The following SLC2A13 variants were observed in gnomAD, a reference collection of about 807,000 sequenced individuals.
The protein encoded by SLC2A13 is solute carrier family 2 member 13.
SLC2A13 carries 32 observed loss-of-function variants against 64.4 expected under a neutral mutation model. That is an observed-to-expected ratio of 0.50 (90% CI 0.37 to 0.67). The LOEUF is 0.67. SLC2A13 is among the 30% of genes least tolerant of loss of function. The pLI, the probability that SLC2A13 is intolerant of heterozygous loss-of-function variation, is 0.00. For missense variants in SLC2A13, 743 were observed against 829.2 expected, an observed-to-expected ratio of 0.90 and a Z score of 1.28; for synonymous variants, 338 against 327.1, an observed-to-expected ratio of 1.03 and a Z score of -0.36.
At chr12:39,907,513 G>A (rs1430121569) in intron 4 of SLC2A13, 1 of 152,050 alleles carries the variant, frequency 6.6e-6, no homozygotes, top group Non-Finnish European at 1.5e-5. Flanking sequence ...AAACCATAAT[G>A]TACCTGATAT....
At chr12:39,821,267 G>A (rs191390734) in intron 7 of SLC2A13, among the ~76,000 whole-genome samples, 60 of 152,078 alleles carry the variant, frequency 3.9e-4, no homozygotes, top group African/African-American at 1.3e-3. Context: ...AAAATTAGCC[G>A]GGCGTGTTGG....
At chr12:39,998,036 AAAG>A (rs1296079869) in intron 3 of SLC2A13, among the ~76,000 whole-genome samples, 2 of 152,182 alleles carry the variant, frequency 1.3e-5, no homozygotes, top group African/African-American at 4.8e-5. Flanking sequence ...ACCCAGAAGA[AAAG>A]AAGTTATTAT....
intron 3 of SLC2A13, among the ~76,000 whole-genome samples, chr12:39,972,805 C>T (rs1171516915): frequency 1.3e-5 from 2 of 152,324 alleles, no homozygotes; most frequent in East Asian, 3.9e-4. Context: ...TAGTGGCTCA[C>T]ACCTGTAATC....
intron 6 of SLC2A13, among the ~76,000 whole-genome samples, chr12:39,850,605 G>A (rs890796093): frequency 6.6e-6 from 1 of 152,024 alleles, no homozygotes; most frequent in African/African-American, 2.4e-5. Context: ...ATTAGTATAC[G>A]GTAATTGCCA....
chr12:39,960,685 T>C (rs1484408684), intron 3 of SLC2A13, among the ~76,000 whole-genome samples: 5 of 151,578 alleles, frequency 3.3e-5, no homozygotes, highest in African/African-American at 1.2e-4. Context: ...GGCCTAATAT[T>C]GGCTAGTATT....
Position 39,951,257 on chromosome 12 carries a change from A to T in SLC2A13, c.1034T>A (p.Met345Lys), listed in dbSNP as rs1341025595. Residue 345 changes from methionine to lysine, a missense_variant and splice_region_variant, in exon 4 of 10, where the codon ATG becomes AAG. By Grantham distance (95) the Met-to-Lys change is moderately conservative. Transcript: ENST00000280871. ...FQQLSGINTI[M>K]YYSATILQMS... ...TAAAAAGCCAGAAAGAAATACATAC[A>T]TGATGGTGTTAATGCCTGAGAGCTG... The T allele has an allele frequency of 6.2e-7, 1 of 1,612,254 alleles. No homozygotes were observed. Among genetic ancestry groups the T allele is most frequent in the Non-Finnish European group, 8.5e-7 (1 of 1,178,896 alleles).
chr12:39,859,677 C>T (rs1027405348), intron 6 of SLC2A13, among the ~76,000 whole-genome samples: 5 of 152,020 alleles, frequency 3.3e-5, no homozygotes, highest in Non-Finnish European at 4.4e-5. Context: ...CACCCACAAC[C>T]GCACCTGGCT....
intron 4 of SLC2A13, among the ~76,000 whole-genome samples, chr12:39,895,351 T>G (rs10877743): frequency 0.51 from 77,190 of 150,712 alleles, 19,946 homozygotes; most frequent in East Asian, 0.78. Flanking sequence ...TTAGCCGGGC[T>G]TGGTGGCAGG....
chr12:39,852,157 T>A (rs558964009), intron 6 of SLC2A13, among the ~76,000 whole-genome samples: 2 of 152,206 alleles, frequency 1.3e-5, no homozygotes, highest in Non-Finnish European at 2.9e-5. Flanking sequence ...ATAAAATAAC[T>A]AGCATGGTAA....
intron 6 of SLC2A13, among the ~76,000 whole-genome samples, chr12:39,851,683 G>C (rs746321736): frequency 1.4e-4 from 22 of 152,284 alleles, no homozygotes; most frequent in African/African-American, 3.1e-4. Context: ...GATACATCAA[G>C]AGAAAAGCAG....
chr12:40,047,384 C>A (rs888287848), intron 2 of SLC2A13, among the ~76,000 whole-genome samples: 1 of 152,066 alleles, frequency 6.6e-6, no homozygotes, highest in Non-Finnish European at 1.5e-5. Context: ...ATTGTATAAC[C>A]TCTAATGCCT....
intron 6 of SLC2A13, among the ~76,000 whole-genome samples, chr12:39,851,000 A>G (rs1398655126): frequency 6.6e-5 from 10 of 151,944 alleles, no homozygotes; most frequent in Non-Finnish European, 1.3e-4. Context: ...CCTGGGTTCA[A>G]GCAATTCTCT....
intron 1 of SLC2A13, among the ~76,000 whole-genome samples, chr12:40,077,082 A>G (rs1938206252): frequency 6.6e-6 from 1 of 152,122 alleles, no homozygotes; most frequent in African/African-American, 2.4e-5. Flanking sequence ...GTTTGCAAAT[A>G]CTTTCTCCCA....
At chr12:40,103,238 T>C (rs749957788) in intron 1 of SLC2A13, among the ~76,000 whole-genome samples, 13 of 152,338 alleles carry the variant, frequency 8.5e-5, no homozygotes, top group Non-Finnish European at 1.6e-4. Flanking sequence ...GTATGCCCTA[T>C]GCTTTCCTTC....
chr12:40,105,427 C>T lies in SLC2A13; in HGVS notation c.382G>A (p.Val128Met), dbSNP rs756217326. ...AGCGCCGAGACGGCAGCCGCCCCCA[C>T]CGTGCTGGACACCAGCAGCTCCTGC... ...LWQELLVSST[V>M]GAAAVSALAG... Residue 128 changes from valine to methionine, a missense_variant, in exon 1 of 10, where the codon GTG (valine) becomes ATG (methionine). Val to Met is a conservative substitution (Grantham distance 21, BLOSUM62 1). This residue lies in a region of SLC2A13 where 448 missense variants were observed against 447.4 expected (regional missense o/e 1.00). Coordinates refer to ENST00000280871, the MANE Select transcript of SLC2A13 (RefSeq NM_052885.4). The surrounding 1 kb of genome is among the most constrained non-coding windows in gnomAD (Gnocchi z 4.2). 1.3e-6 allele frequency: 2 copies of T among 1,551,402 alleles called. No individual in the cohort carries two copies. The highest frequency in any genetic ancestry group is 1.7e-6 in the Non-Finnish European group (2 of 1,148,684).
intron 6 of SLC2A13, among the ~76,000 whole-genome samples, chr12:39,833,933 C>T (rs1160051222): frequency 1.3e-5 from 2 of 151,520 alleles, no homozygotes; most frequent in Non-Finnish European, 2.9e-5. Flanking sequence ...CTACATCCTC[C>T]GAAAGTAGGT....
rs1940036008 is a variant in SLC2A13 at position 39,758,748 on chromosome 12, A to G, written c.*1278T>C. 1 of 152,032 alleles carries G rather than the reference A, an allele frequency of 6.6e-6. No individual in the cohort carries two copies. Among genetic ancestry groups the G allele is most frequent in the Non-Finnish European group, 1.5e-5 (1 of 67,872 alleles). The allele number at this position is 152,032 out of a possible 1,614,324, so 9.4% of individuals were successfully genotyped here. On this transcript the variant is annotated 3_prime_UTR_variant, in exon 10 of 10. Transcript: ENST00000280871. The stretch of plus-strand genomic sequence containing the variant: ...TCTCAATTTTTACACAAGAAGGAAA[A>G]ACTAAGCCAAGAATAAGAAAAACAC...
At position 40,085,906 on chromosome 12, in the gene SLC2A13, G is replaced by A. The variant is rs545010588; in HGVS notation, c.556+19347C>T. The stretch of plus-strand genomic sequence containing the variant: ...CTTTTTTTTTTTGAGACAGAGTCTC[G>A]CTCTGTCACCCAGCCTAGAGTGCAG... On this transcript the variant is annotated intron_variant, in intron 1 of 9. Transcript: ENST00000280871. Among the ~76,000 whole-genome samples the A allele has an allele frequency of 6.0e-5, 9 of 151,224 alleles. 1 individual carries two copies. The highest frequency in any genetic ancestry group is 1.9e-4 in the East Asian group (1 of 5,138).
intron 7 of SLC2A13, among the ~76,000 whole-genome samples, chr12:39,815,737 G>T (rs185371142): frequency 2.0e-5 from 3 of 152,280 alleles, no homozygotes. Context: ...AAAGTATCTT[G>T]ATATATGCTA....
Sources: allele counts gnomAD v4.1 joint callset (sites outside exome capture counted in the v4.1 genomes callset), GRCh38; gene constraint gnomAD v4.1.1; regional missense constraint gnomAD v4.1.1; non-coding constraint Gnocchi (gnomAD v3.1); transcripts MANE v1.5; gene names NCBI Gene and HGNC (gene_info 2026-07-23, HGNC 2026-07-21).